MLIP: variants seen among roughly 807,000 people sequenced by gnomAD.
The protein encoded by MLIP is muscular LMNA-interacting protein.
Under a neutral mutation model 84.8 loss-of-function variants are expected in MLIP, and 79 were observed. The observed-to-expected ratio is 0.93, with a 90% CI of 0.78 to 1.12. The LOEUF (loss-of-function observed/expected upper bound fraction) is 1.12, where lower values mean the gene tolerates loss of function less well. Among genes scored for constraint, MLIP ranks in the 50% most tolerant of loss-of-function variants. The pLI is 0.00. For synonymous variants in MLIP, 504 were observed against 463.0 expected, an observed-to-expected ratio of 1.09 and a Z score of -1.14; for missense variants, 1,257 against 1,160.6, an observed-to-expected ratio of 1.08 and a Z score of -1.21.
At chr6:54,230,296 T>C (rs915341345) in intron 11 of MLIP, among the ~76,000 whole-genome samples, 2 of 152,184 alleles carry the variant, frequency 1.3e-5, no homozygotes, top group Non-Finnish European at 2.9e-5. Flanking sequence ...TCCCCTTGAC[T>C]TCCCGATTTC....
At chr6:54,247,500 G>A (rs1433399372) in intron 12 of MLIP, among the ~76,000 whole-genome samples, 1 of 152,142 alleles carries the variant, frequency 6.6e-6, no homozygotes, top group Non-Finnish European at 1.5e-5. Context: ...GTCAGACCAT[G>A]TAGGGCAAGA....
chr6:54,140,288 G>A (rs1356294238), intron 4 of MLIP, among the ~76,000 whole-genome samples: 1 of 152,156 alleles, frequency 6.6e-6, no homozygotes, highest in Non-Finnish European at 1.5e-5. Context: ...CAGAGAGTTG[G>A]AAGAGGGTGA....
At chr6:54,074,371 T>C (rs1354158504) in intron 1 of MLIP, among the ~76,000 whole-genome samples, 1 of 152,142 alleles carries the variant, frequency 6.6e-6, no homozygotes, top group Non-Finnish European at 1.5e-5. Flanking sequence ...TGGGACTGCT[T>C]TTCTTTTCTT....
intron 1 of MLIP, among the ~76,000 whole-genome samples, chr6:54,101,099 C>G (rs1426352251): frequency 6.6e-6 from 1 of 152,082 alleles, no homozygotes; most frequent in Non-Finnish European, 1.5e-5. Flanking sequence ...CACTGATTGT[C>G]ATGTAACTTC....
At chr6:54,053,289 A>G (rs1208887001) in intron 1 of MLIP, among the ~76,000 whole-genome samples, 2 of 152,188 alleles carry the variant, frequency 1.3e-5, no homozygotes, top group Admixed American at 1.3e-4. Context: ...ACAAGGTAAA[A>G]GAATATGCTC....
intron 5 of MLIP, among the ~76,000 whole-genome samples, chr6:54,155,196 C>G (rs1411579750): frequency 1.3e-5 from 2 of 152,180 alleles, no homozygotes; most frequent in East Asian, 1.9e-4. Context: ...CTTTGGTTTG[C>G]AGTGTACTTT....
At chr6:54,042,140 T>A (rs1432248916) in intron 1 of MLIP, among the ~76,000 whole-genome samples, 2 of 152,136 alleles carry the variant, frequency 1.3e-5, no homozygotes, top group African/African-American at 4.8e-5. Context: ...CCCCAAGAGT[T>A]TTACTCAACT....
chr6:54,166,394 C>G lies in MLIP; in HGVS notation c.2500-3134C>G, dbSNP rs1269747731. On this transcript the variant is annotated intron_variant, in intron 8 of 13. Coordinates refer to ENST00000502396, the MANE Select transcript of MLIP (RefSeq NM_001281747.2). ...TTTTCTCCAGTTTCCTCTTAGATCC[C>G]CTTTTTTTATGTCACCAAAACCCCT... Among the ~76,000 whole-genome samples, 4 of 151,830 alleles carry G rather than the reference C, an allele frequency of 2.6e-5. No individual in the cohort carries two copies. In the South Asian group the frequency reaches 8.3e-4, roughly 31 times the overall value.
intron 11 of MLIP, among the ~76,000 whole-genome samples, chr6:54,209,265 A>T (rs1047660338): frequency 6.6e-6 from 1 of 152,174 alleles, no homozygotes. Context: ...AAAATATCTT[A>T]AAAAAAGCAA....
chr6:54,080,309 T>C (rs935246182), intron 1 of MLIP, among the ~76,000 whole-genome samples: 2 of 152,076 alleles, frequency 1.3e-5, no homozygotes, highest in Non-Finnish European at 2.9e-5. Context: ...AGTCTCAGAC[T>C]TTCTCAAACA....
chr6:54,024,481 A>G (rs1403843413), intron 1 of MLIP, among the ~76,000 whole-genome samples: 1 of 152,160 alleles, frequency 6.6e-6, no homozygotes, highest in Non-Finnish European at 1.5e-5. Flanking sequence ...CAGAGATGCA[A>G]CCTAGTGCCT....
intron 1 of MLIP, among the ~76,000 whole-genome samples, chr6:54,059,536 A>G (rs1765846545): frequency 6.6e-6 from 1 of 152,196 alleles, no homozygotes; most frequent in Non-Finnish European, 1.5e-5. Flanking sequence ...AATTCATACA[A>G]TTTTGGAATA....
Position 54,023,170 on chromosome 6 carries a change from A to AAAT in MLIP, c.63+4104_63+4106dup, listed in dbSNP as rs3064622. Among the ~76,000 whole-genome samples the AAAT allele has an allele frequency of 6.2e-3, 642 of 103,076 alleles. 2 individuals are homozygous for AAAT. Among genetic ancestry groups the AAAT allele is most frequent in the African/African-American group, 0.015 (524 of 36,138 alleles). 67.6% of individuals were successfully genotyped at this position (103,076 alleles called of 152,430 possible). A position where few individuals can be genotyped will look rare whatever the true frequency, so the allele number is the denominator to read the frequency against. ...CGACAGAGCGAGACTCCATCTCAAA[A>AAAT]AATAATAATAATAATAATAATAATA... On this transcript the variant is annotated intron_variant, in intron 1 of 12. Transcript: ENST00000274897.
intron 1 of MLIP, chr6:54,029,279 G>A (rs936485319): frequency 6.6e-6 from 1 of 152,224 alleles, no homozygotes; most frequent in African/African-American, 2.4e-5. Context: ...GTATGAAGAG[G>A]TGGGGCTTTT....
chr6:54,037,144 G>A (rs982354359), intron 1 of MLIP, among the ~76,000 whole-genome samples: 6 of 151,960 alleles, frequency 3.9e-5, no homozygotes, highest in South Asian at 4.1e-4. Flanking sequence ...TTTACATGTC[G>A]TGCTGATTTT....
At chr6:54,176,003 T>C (rs977839091) in intron 9 of MLIP, among the ~76,000 whole-genome samples, 1 of 152,104 alleles carries the variant, frequency 6.6e-6, no homozygotes, top group Admixed American at 6.6e-5. Flanking sequence ...TTTTTGTCAT[T>C]TATTTTGTTA....
At chr6:54,212,504 C>T (rs1779528670) in intron 11 of MLIP, among the ~76,000 whole-genome samples, 1 of 152,202 alleles carries the variant, frequency 6.6e-6, no homozygotes, top group Non-Finnish European at 1.5e-5. Context: ...AAATACCCAG[C>T]TCTACAGGGT....
At position 54,213,483 on chromosome 6, in the gene MLIP, C is replaced by T. The variant is rs138276411; in HGVS notation, c.2718+11250C>T. On this transcript the variant is annotated intron_variant, in intron 11 of 13. Coordinates refer to ENST00000502396, the MANE Select transcript of MLIP (RefSeq NM_001281747.2). Reference sequence around the variant, plus strand: ...TTGGGAGGCCAAGGCAGGCAGATTACCTGAGGTCTGGAGTTCCAAACCAGC... The same window carrying T: ...TTGGGAGGCCAAGGCAGGCAGATTATCTGAGGTCTGGAGTTCCAAACCAGC... 1.3e-4 allele frequency among the ~76,000 whole-genome samples: 20 copies of T among 152,116 alleles called. No individual in the cohort carries two copies. The East Asian group carries it at 2.7e-3, about 21-fold the overall frequency.
In MLIP at chr6:54,149,197, C is replaced by G; in HGVS notation, c.2289+70C>G. 3 of 1,381,540 alleles carry G rather than the reference C, an allele frequency of 2.2e-6. No homozygotes were observed. In the South Asian group the frequency reaches 3.7e-5, roughly 17 times the overall value. The allele number at this position is 1,381,540 out of a possible 1,614,324, so 85.6% of individuals were successfully genotyped here. On this transcript the variant is annotated intron_variant, in intron 5 of 13. Transcript: ENST00000502396. ...ATTTTTAAAATGTTTTCTAAAATTT[C>G]TGTTGGGAAGATTTCTGTTTTAAAG...
Sources: gnomAD v4.1 joint callset for allele counts (sites outside exome capture counted in the v4.1 genomes callset) on GRCh38, gnomAD v4.1.1 for gene constraint, MANE v1.5 for transcripts, NCBI Gene and HGNC (gene_info 2026-07-23, HGNC 2026-07-21) for gene names.